Variants in NPFFR1 observed in about 807,000 individuals in gnomAD.
NPFFR1 encodes neuropeptide FF receptor 1.
A neutral mutation model predicts 12.7 loss-of-function variants in NPFFR1; 17 were observed. That is an observed-to-expected ratio of 1.34 (90% CI 0.92 to 2.01). The LOEUF (loss-of-function observed/expected upper bound fraction) is 2.01, where lower values mean the gene tolerates loss of function less well. NPFFR1 is among the 30% of genes most tolerant of loss of function. The probability of loss-of-function intolerance (pLI) is 0.00; values close to 1 mark genes in which losing one functional copy is unlikely to be tolerated. For missense variants in NPFFR1, 604 were observed against 606.5 expected (o/e 1.00, Z 0.04); for synonymous variants, 296 against 264.5 (o/e 1.12, Z -1.16).
In NPFFR1 at chr10:70,255,573, A is replaced by C. The variant is rs375511644; in HGVS notation, c.677T>G (p.Leu226Arg). ...GACCACGATGAGCGCCAGCGGCGCC[A>C]GGTAGATGTGCGAGAAGAGCACAGT... is the stretch of plus-strand genomic sequence containing the variant. ...YTTVLFSHIY[L>R]APLALIVVMY... The change falls in exon 4 of 4, where the codon CTG becomes CGG. Residue 226 changes from leucine to arginine, a missense_variant. Coordinates refer to ENST00000277942, the MANE Select transcript of NPFFR1 (RefSeq NM_022146.5). This position sits in a 1 kb window ranked among gnomAD's most constrained non-coding sequence, Gnocchi z 4.2. The C allele has an allele frequency of 9.7e-6, 15 of 1,551,680 alleles. 1 individual carries two copies. The African/African-American group carries it at 2.0e-4, about 21-fold the overall frequency.
chr10:70,269,537 G>A (rs200839351), intron 1 of NPFFR1, among the ~76,000 whole-genome samples: 4 of 149,356 alleles, frequency 2.7e-5, no homozygotes, highest in East Asian at 3.9e-4. Context: ...TTGAGACGGA[G>A]TCTTGATCTG....
rs1284607335 is a variant in NPFFR1, at chr10:70,254,040, T to C, written c.*917A>G. On this transcript the variant is annotated 3_prime_UTR_variant, in exon 4 of 4. Coordinates refer to ENST00000277942, the MANE Select transcript of NPFFR1 (RefSeq NM_022146.5). ...AGGAGAGAGACCTTGGGCAAGGCTT[T>C]GTACCTGCAGCCCCAGTGAGCAGAT... is the stretch of plus-strand genomic sequence containing the variant. 6.6e-6 allele frequency: 1 copy of C among 152,224 alleles called. No individual in the cohort carries two copies. The highest frequency in any genetic ancestry group is 1.9e-4 in the East Asian group (1 of 5,198). The allele number at this position is 152,224 out of a possible 1,614,324, so 9.4% of individuals were successfully genotyped here.
At chr10:70,281,041 G>T (rs570003844) in intron 1 of NPFFR1, among the ~76,000 whole-genome samples, 10 of 152,216 alleles carry the variant, frequency 6.6e-5, no homozygotes, top group African/African-American at 2.4e-4. Flanking sequence ...TCTGAGCACC[G>T]CAAAAGAGAG....
In NPFFR1 at chr10:70,254,772, C is replaced by G; in HGVS notation, c.*185G>C. 1.6e-6 allele frequency: 1 copy of G among 617,770 alleles called. No homozygotes were observed. The highest frequency in any genetic ancestry group is 2.4e-6 in the Non-Finnish European group (1 of 417,284). 38.3% of individuals were successfully genotyped at this position (617,770 alleles called of 1,614,324 possible). ...GGCAAGTTGGTTCCTTCCCGTCCCC[C>G]GCATTTGCCTCTACTGAGGGTGAAG... On this transcript the variant is annotated 3_prime_UTR_variant, in exon 4 of 4. Coordinates refer to ENST00000277942, the MANE Select transcript of NPFFR1 (RefSeq NM_022146.5).
rs61858189 is a variant in NPFFR1 at position 70,254,142 on chromosome 10, G to T, written c.*815C>A. ...ATGAGTACGTAAAAGGACACCTCCT[G>T]TGGCCCTGCAGCATTACAATGTCTG... On this transcript the variant is annotated 3_prime_UTR_variant, in exon 4 of 4. Transcript: ENST00000277942. 6.6e-6 allele frequency: 1 copy of T among 152,202 alleles called. No individual in the cohort carries two copies. The highest frequency in any genetic ancestry group is 1.5e-5 in the Non-Finnish European group (1 of 68,052). The allele number at this position is 152,202 out of a possible 1,614,324, so 9.4% of individuals were successfully genotyped here.
At chr10:70,265,792 G>A (rs777015941) in intron 2 of NPFFR1, among the ~76,000 whole-genome samples, 8 of 152,316 alleles carry the variant, frequency 5.3e-5, no homozygotes, top group Non-Finnish European at 1.2e-4. Context: ...CATAAAATGG[G>A]GAGGACCATA....
At chr10:70,264,219 C>T (rs534111695) in intron 2 of NPFFR1, among the ~76,000 whole-genome samples, 1 of 151,536 alleles carries the variant, frequency 6.6e-6, no homozygotes, top group African/African-American at 2.4e-5. Flanking sequence ...ACTAAAAATA[C>T]AAAAATTAGC....
chr10:70,283,364 T>TTCA (rs1840881960), intron 1 of NPFFR1, among the ~76,000 whole-genome samples: 1 of 151,148 alleles, frequency 6.6e-6, no homozygotes, highest in South Asian at 2.1e-4. Context: ...TCTCTCTCTT[T>TTCA]CACACACACA....
intron 1 of NPFFR1, among the ~76,000 whole-genome samples, chr10:70,270,376 C>T (rs188553702): frequency 1.3e-5 from 2 of 152,096 alleles, no homozygotes; most frequent in East Asian, 1.9e-4. Flanking sequence ...TTACCCCTGC[C>T]GAGCCTCAAA....
intron 1 of NPFFR1, among the ~76,000 whole-genome samples, chr10:70,271,983 G>C (rs929254701): frequency 2.0e-5 from 3 of 151,864 alleles, no homozygotes; most frequent in African/African-American, 4.8e-5. Context: ...CAGGCGTGGT[G>C]GTGGGCCCCT....
At chr10:70,277,764 G>T (rs1840818793) in intron 1 of NPFFR1, among the ~76,000 whole-genome samples, 1 of 152,186 alleles carries the variant, frequency 6.6e-6, no homozygotes, top group Non-Finnish European at 1.5e-5. Context: ...GGTGGGGCTG[G>T]GGTTAGGCTG....
intron 3 of NPFFR1, among the ~76,000 whole-genome samples, chr10:70,259,327 T>A (rs1840610813): frequency 6.7e-6 from 1 of 148,444 alleles, no homozygotes; most frequent in Non-Finnish European, 1.5e-5. Context: ...AAAAGAAATC[T>A]CCAGAGAATA....
rs1326101349 is a variant in NPFFR1, at chr10:70,249,057, T to C, written c.*5900A>G. On this transcript the variant is annotated 3_prime_UTR_variant, in exon 4 of 4. Coordinates refer to ENST00000277942, the MANE Select transcript of NPFFR1 (RefSeq NM_022146.5). ...TCTGTTCAAATAGCCCTCCTACTTCTATCACACTATATCCTCTTACCTTGC... is the reference window on the plus strand; with the variant it reads ...TCTGTTCAAATAGCCCTCCTACTTCCATCACACTATATCCTCTTACCTTGC... 2 of 152,182 alleles carry C rather than the reference T, an allele frequency of 1.3e-5. No homozygotes were observed. The highest frequency in any genetic ancestry group is 2.4e-5 in the African/African-American group (1 of 41,436). 9.4% of individuals were successfully genotyped at this position (152,182 alleles called of 1,614,324 possible). A position where few individuals can be genotyped will look rare whatever the true frequency, so the allele number is the denominator to read the frequency against.
In NPFFR1 at chr10:70,248,489, T is replaced by TTTTTTTTTTG. The variant is rs1840477273; in HGVS notation, c.*6467_*6468insCAAAAAAAAA. ...GGCGTTTTTTTTTTGTTTTTTGTTT[T>TTTTTTTTTTG]TTTTTTTTTTTTTTGAGATGGAGTC... On this transcript the variant is annotated 3_prime_UTR_variant, in exon 4 of 4. Transcript: ENST00000277942. 6 of 113,850 alleles carry TTTTTTTTTTG rather than the reference T, an allele frequency of 5.3e-5. No individual in the cohort carries two copies. Among genetic ancestry groups the TTTTTTTTTTG allele is most frequent in the Admixed American group, 1.1e-4 (1 of 9,312 alleles). The allele number at this position is 113,850 out of a possible 1,614,324, so 7.1% of individuals were successfully genotyped here. A position where few individuals can be genotyped will look rare whatever the true frequency, so the allele number is the denominator to read the frequency against.
At chr10:70,282,653 T>C (rs923382024) in intron 1 of NPFFR1, among the ~76,000 whole-genome samples, 3 of 152,202 alleles carry the variant, frequency 2.0e-5, no homozygotes, top group Non-Finnish European at 2.9e-5. Flanking sequence ...TCTTATTTTA[T>C]CCTCACAGAC....
chr10:70,273,339 T>C (rs1840768795), intron 1 of NPFFR1, among the ~76,000 whole-genome samples: 1 of 152,236 alleles, frequency 6.6e-6, no homozygotes, highest in Non-Finnish European at 1.5e-5. Context: ...CAGTCAAGTT[T>C]AGTGTGGCTT....
rs201081929 is a variant in NPFFR1 at position 70,249,898 on chromosome 10, CTTCTTTCT to C, written c.*5051_*5058del. On this transcript the variant is annotated 3_prime_UTR_variant, in exon 4 of 4. Coordinates refer to ENST00000277942, the MANE Select transcript of NPFFR1 (RefSeq NM_022146.5). ...CTAGTCATCAGGGAAATTTTCTTTT[CTTCTTTCT>C]TTCTTTCTTTTTTTTTTTTTTTTTG... 1.3e-5 allele frequency: 2 copies of C among 149,060 alleles called. No individual in the cohort carries two copies. Among genetic ancestry groups the C allele is most frequent in the Non-Finnish European group, 3.0e-5 (2 of 67,704 alleles). 9.2% of individuals were successfully genotyped at this position (149,060 alleles called of 1,614,324 possible).
At chr10:70,283,132 T>TTTGTGTGTG (rs1554833974) in intron 1 of NPFFR1, among the ~76,000 whole-genome samples, 2 of 149,548 alleles carry the variant, frequency 1.3e-5, no homozygotes, top group African/African-American at 2.5e-5. Context: ...CTCTCTCTTT[T>TTTGTGTGTG]TGTGTGTGTG....
At position 70,255,349 on chromosome 10, in the gene NPFFR1, G is replaced by A. The variant is rs2136790533; in HGVS notation, c.901C>T (p.Pro301Ser). 6.4e-7 allele frequency: 1 copy of A among 1,567,002 alleles called. No individual in the cohort carries two copies. Among genetic ancestry groups the A allele is most frequent in the Non-Finnish European group, 8.6e-7 (1 of 1,160,588 alleles). Residue 301 changes from proline (P) to serine (S), a missense_variant, in exon 4 of 4, where the codon CCG becomes TCG. Transcript: ENST00000277942. The surrounding 1 kb of genome is among the most constrained non-coding windows in gnomAD (Gnocchi z 4.2). ...TAGACGGTGACCAGGTGCAGCTGCG[G>A]CGCGCTGAGCTGCCCGTAGTCGATG... ...LLIDYGQLSAPQLHLVTVYAF... is the reference protein window; with the variant it reads ...LLIDYGQLSASQLHLVTVYAF...
Sources: allele counts gnomAD v4.1 joint callset (sites outside exome capture counted in the v4.1 genomes callset), GRCh38; gene constraint gnomAD v4.1.1; non-coding constraint Gnocchi (gnomAD v3.1); transcripts MANE v1.5; gene names NCBI Gene and HGNC (gene_info 2026-07-23, HGNC 2026-07-21).